The following ABL2 variants were observed in gnomAD, a reference collection of about 807,000 sequenced individuals.
ABL2 encodes tyrosine-protein kinase ABL2.
ABL2 carries 49 observed loss-of-function variants against 107.7 expected under a neutral mutation model. The ratio of observed to expected loss-of-function variants is 0.45; its 90% CI spans 0.36 to 0.58. ABL2 has a LOEUF of 0.58. Among genes scored for constraint, ABL2 ranks in the 20% least tolerant of loss-of-function variants. The pLI is 0.00. For synonymous variants in ABL2, 549 were observed against 548.6 expected, an observed-to-expected ratio of 1.00 and a Z score of -0.01; for missense variants, 1,245 against 1,457.0, an observed-to-expected ratio of 0.85 and a Z score of 2.37.
In ABL2 at chr1:179,108,834, C is replaced by A; in HGVS notation, c.2433G>T (p.Gln811His). Residue 811 changes from glutamine to histidine, a missense_variant, in exon 12 of 12, where the codon CAG becomes CAT. By Grantham distance (24) the Gln-to-His change is conservative. Around this residue, in one of 3 missense-constraint regions of ABL2, gnomAD observed 761 missense variants for 766.4 expected, o/e 0.99. Coordinates refer to ENST00000502732, the MANE Select transcript of ABL2 (RefSeq NM_007314.4). ...AAGAGGTGGACACTGTCCTTTCCAGCTGGAGTTTGGACCTCTGGCAGTTCC... is the reference window on the plus strand; with the variant it reads ...AAGAGGTGGACACTGTCCTTTCCAGATGGAGTTTGGACCTCTGGCAGTTCC... ...LPRNCQRSKL[Q>H]LERTVSTSSQ... is the part of the protein sequence containing the mutation. The A allele has an allele frequency of 6.2e-7, 1 of 1,614,164 alleles. No individual in the cohort carries two copies. Among genetic ancestry groups the A allele is most frequent in the Non-Finnish European group, 8.5e-7 (1 of 1,180,042 alleles).
intron 1 of ABL2, among the ~76,000 whole-genome samples, chr1:179,226,392 T>C (rs1477825792): frequency 7.0e-6 from 1 of 141,960 alleles, no homozygotes; most frequent in Non-Finnish European, 1.5e-5. Flanking sequence ...CACTGCAACC[T>C]CCACCTCCCG....
intron 11 of ABL2, among the ~76,000 whole-genome samples, chr1:179,109,913 G>C (rs911437669): frequency 7.1e-6 from 1 of 141,404 alleles, no homozygotes; most frequent in African/African-American, 2.7e-5. Context: ...GGGCGACACA[G>C]TGAGACTCCG....
At chr1:179,186,453 A>G (rs1187964132) in intron 1 of ABL2, among the ~76,000 whole-genome samples, 1 of 151,982 alleles carries the variant, frequency 6.6e-6, no homozygotes, top group Non-Finnish European at 1.5e-5. Context: ...ATCTTGGCTC[A>G]CTGAAATCTC....
chr1:179,112,494 T>G, intron 9 of ABL2, 96 bp from the exon 10 acceptor site: 1 of 859,948 alleles, frequency 1.2e-6, no homozygotes, highest in Non-Finnish European at 1.9e-6. Flanking sequence ...TGATGCACAC[T>G]TATTAAAGTA....
In ABL2 at chr1:179,178,762, G is replaced by C. The variant is rs182125048; in HGVS notation, c.158-45388C>G. ...AAAATTAGCTGAGTGTGGTGGGCTG[G>C]GGGGGGTGCCTGTAATCCCAGCTAC... On this transcript the variant is annotated intron_variant, in intron 1 of 11. Transcript: ENST00000502732. Among the ~76,000 whole-genome samples the C allele has an allele frequency of 4.4e-4, 66 of 151,588 alleles. 3 individuals are homozygous for C. The East Asian group carries it at 0.011, about 26-fold the overall frequency.
chr1:179,157,799 G>A (rs1014826956), intron 1 of ABL2, among the ~76,000 whole-genome samples: 2 of 151,498 alleles, frequency 1.3e-5, no homozygotes, highest in African/African-American at 2.4e-5. Context: ...CATACTCCTG[G>A]CCTCAAGCGA....
intron 1 of ABL2, among the ~76,000 whole-genome samples, chr1:179,191,640 T>C (rs1268539421): frequency 1.3e-5 from 2 of 152,110 alleles, no homozygotes; most frequent in Non-Finnish European, 2.9e-5. Context: ...CAGGCTGGTC[T>C]TGAACTCATT....
chr1:179,145,205 A>C (rs532234559), intron 1 of ABL2, among the ~76,000 whole-genome samples: 206 of 152,304 alleles, frequency 1.4e-3, no homozygotes, highest in African/African-American at 4.7e-3. Flanking sequence ...GAATTTTTCT[A>C]GTTCTGGAAG....
intron 1 of ABL2, among the ~76,000 whole-genome samples, chr1:179,164,071 T>C (rs571525576): frequency 8.5e-5 from 13 of 152,328 alleles, no homozygotes; most frequent in Admixed American, 3.3e-4. Context: ...TACAGAGGGA[T>C]TGCATGAGAC....
chr1:179,119,986 A>G (rs1485748541), intron 6 of ABL2, among the ~76,000 whole-genome samples: 2 of 152,168 alleles, frequency 1.3e-5, no homozygotes, highest in African/African-American at 4.8e-5. Context: ...GGGGAGGAAA[A>G]AAGGCGGGGC....
At chr1:179,221,136 G>T in intron 1 of ABL2, 1 of 243,174 alleles carries the variant, frequency 4.1e-6, no homozygotes, top group South Asian at 7.3e-5. Flanking sequence ...AGTTACTTGG[G>T]GTGAAAAAAG....
chr1:179,131,272 A>C (rs760293223), intron 3 of ABL2, 39 bp downstream of exon 3: 1 of 1,594,780 alleles, frequency 6.3e-7, no homozygotes, highest in Non-Finnish European at 8.6e-7. Context: ...ATCATTAATG[A>C]AAACTGAAAA....
At chr1:179,199,748 T>C (rs78573126) in intron 1 of ABL2, among the ~76,000 whole-genome samples, 2 of 124,940 alleles carry the variant, frequency 1.6e-5, no homozygotes, top group Non-Finnish European at 3.5e-5. Context: ...TTTTTTTTTT[T>C]TGAGACAGAT....
Position 179,214,519 on chromosome 1 carries a change from CATATATATATATAT to C in ABL2, c.157+14708_157+14721del, listed in dbSNP as rs59744061. Among the ~76,000 whole-genome samples, 204 of 122,146 alleles carry C rather than the reference CATATATATATATAT, an allele frequency of 1.7e-3. 1 individual carries two copies. The highest frequency in any genetic ancestry group is 5.5e-3 in the African/African-American group (189 of 34,204). The allele number at this position is 122,146 out of a possible 152,430, so 80.1% of individuals were successfully genotyped here. On this transcript the variant is annotated intron_variant, in intron 1 of 11. Coordinates refer to ENST00000502732, the MANE Select transcript of ABL2 (RefSeq NM_007314.4). Reference sequence around the variant, plus strand: ...CAATGGAACAACAGTTTTAAAATGACATATATATATATATATATATATATATATATATGAGAATA... The same window carrying C: ...CAATGGAACAACAGTTTTAAAATGACATATATATATATATATATGAGAATA...
chr1:179,191,083 C>T (rs761941658), intron 1 of ABL2, among the ~76,000 whole-genome samples: 23 of 152,128 alleles, frequency 1.5e-4, no homozygotes, highest in African/African-American at 9.7e-5. Context: ...TTGAAAACAG[C>T]GGTCCTCTCA....
At chr1:179,121,281 G>A (rs1488947308) in intron 5 of ABL2, among the ~76,000 whole-genome samples, 2 of 152,144 alleles carry the variant, frequency 1.3e-5, no homozygotes, top group Non-Finnish European at 2.9e-5. Flanking sequence ...TGTCCAGCAG[G>A]GGTCGTTCTC....
At chr1:179,195,094 C>T (rs1169074752) in intron 1 of ABL2, among the ~76,000 whole-genome samples, 1 of 152,114 alleles carries the variant, frequency 6.6e-6, no homozygotes, top group African/African-American at 2.4e-5. Context: ...TCCAGACCAG[C>T]CTGGCCAACA....
intron 1 of ABL2, among the ~76,000 whole-genome samples, chr1:179,159,838 G>A (rs184512356): frequency 1.3e-5 from 2 of 152,252 alleles, no homozygotes; most frequent in Admixed American, 6.5e-5. Context: ...TAAAGGCTGG[G>A]TGTGGTGCCT....
intron 1 of ABL2, among the ~76,000 whole-genome samples, chr1:179,181,987 A>G (rs1660406176): frequency 7.3e-6 from 1 of 137,104 alleles, no homozygotes; most frequent in African/African-American, 2.7e-5. Flanking sequence ...TAGTAGAGAC[A>G]GGGTTTCACC....
Sources: allele counts gnomAD v4.1 joint callset (sites outside exome capture counted in the v4.1 genomes callset), GRCh38; gene constraint gnomAD v4.1.1; regional missense constraint gnomAD v4.1.1; transcripts MANE v1.5; gene names NCBI Gene and HGNC (gene_info 2026-07-23, HGNC 2026-07-21).